XYLT1: variants seen among roughly 807,000 people sequenced by gnomAD.
The protein encoded by XYLT1 is xylosyltransferase 1.
Under a neutral mutation model 91.3 loss-of-function variants are expected in XYLT1, and 36 were observed. The observed-to-expected ratio is 0.39, with a 90% CI of 0.30 to 0.52. The LOEUF is 0.52. Among genes scored for constraint, XYLT1 ranks in the 20% least tolerant of loss-of-function variants. The pLI is 0.68. For synonymous variants in XYLT1, 588 were observed against 532.0 expected, an observed-to-expected ratio of 1.11 and a Z score of -1.45; for missense variants, 1,242 against 1,284.5, an observed-to-expected ratio of 0.97 and a Z score of 0.51.
intron 2 of XYLT1, among the ~76,000 whole-genome samples, chr16:17,307,860 AGT>A (rs1309216243): frequency 1.3e-4 from 20 of 152,320 alleles, no homozygotes; most frequent in African/African-American, 4.6e-4. Context: ...AGGAGAGGGC[AGT>A]GAAGGGTTAA....
intron 3 of XYLT1, among the ~76,000 whole-genome samples, chr16:17,248,372 CA>C (rs2033477285): frequency 1.3e-5 from 2 of 152,328 alleles, no homozygotes; most frequent in African/African-American, 2.4e-5. Context: ...CAGACTAATA[CA>C]GGGGGGCCTA....
At chr16:17,159,686 G>A (rs564301159) in intron 5 of XYLT1, among the ~76,000 whole-genome samples, 15 of 152,344 alleles carry the variant, frequency 9.8e-5, no homozygotes, top group African/African-American at 3.1e-4. Context: ...TACTGATTGA[G>A]AGAGCTTTAA....
intron 2 of XYLT1, among the ~76,000 whole-genome samples, chr16:17,353,449 G>A (rs928020879): frequency 6.6e-6 from 1 of 152,118 alleles, no homozygotes; most frequent in South Asian, 2.1e-4. Context: ...CTTGGGGATC[G>A]ATGAGAAAGA....
intron 10 of XYLT1, among the ~76,000 whole-genome samples, chr16:17,126,377 G>C (rs1497983): frequency 0.95 from 145,055 of 152,308 alleles, 69,137 homozygotes; most frequent in Middle Eastern, 0.98. Flanking sequence ...GCACAGAATC[G>C]AACTGGGGCA....
chr16:17,314,293 C>T (rs1380422304), intron 2 of XYLT1, among the ~76,000 whole-genome samples: 4 of 152,252 alleles, frequency 2.6e-5, no homozygotes, highest in Admixed American at 1.3e-4. Context: ...CAGGAGCCTC[C>T]CCAGGCCCAC....
At chr16:17,455,221 G>T (rs1174324383) in intron 1 of XYLT1, among the ~76,000 whole-genome samples, 1 of 152,060 alleles carries the variant, frequency 6.6e-6, no homozygotes, top group Non-Finnish European at 1.5e-5. Context: ...TCTGAATTCG[G>T]GTGCTGGTTA....
chr16:17,347,185 G>A (rs1472259720), intron 2 of XYLT1, among the ~76,000 whole-genome samples: 1 of 152,194 alleles, frequency 6.6e-6, no homozygotes, highest in African/African-American at 2.4e-5. Flanking sequence ...TCCTGGAGGT[G>A]TGACCGAGAA....
intron 3 of XYLT1, 104 bp downstream of exon 3, chr16:17,258,884 G>GGT: frequency 1.5e-6 from 2 of 1,327,206 alleles, no homozygotes; most frequent in Non-Finnish European, 2.0e-6. Context: ...TGGAAAACAG[G>GGT]GTGGCCTTTC....
At chr16:17,321,851 C>T (rs1192139411) in intron 2 of XYLT1, among the ~76,000 whole-genome samples, 1 of 152,144 alleles carries the variant, frequency 6.6e-6, no homozygotes, top group Non-Finnish European at 1.5e-5. Flanking sequence ...ATGACTTATC[C>T]AGCCCCAAAT....
chr16:17,198,448 G>C, intron 4 of XYLT1, 34 bp from the exon 5 acceptor site: 1 of 1,602,144 alleles, frequency 6.2e-7, no homozygotes, highest in African/African-American at 1.3e-5. Context: ...ATGACAGTCA[G>C]TGGCCTAGAA....
chr16:17,336,588 G>A (rs2034982389), intron 2 of XYLT1, among the ~76,000 whole-genome samples: 2 of 152,110 alleles, frequency 1.3e-5, no homozygotes, highest in Admixed American at 1.3e-4. Context: ...ATGCATGTGT[G>A]TGAGAGAGAA....
intron 1 of XYLT1, among the ~76,000 whole-genome samples, chr16:17,379,739 T>TCC (rs2035648131): frequency 1.4e-4 from 15 of 106,166 alleles, no homozygotes; most frequent in Admixed American, 1.1e-3. Context: ...TCTCTCTCTC[T>TCC]CTCTCTCTCT....
chr16:17,317,906 G>A (rs912373414), intron 2 of XYLT1, among the ~76,000 whole-genome samples: 1 of 152,106 alleles, frequency 6.6e-6, no homozygotes, highest in Admixed American at 6.6e-5. Context: ...TGCCTGGAAT[G>A]CTTTTCCCTG....
At chr16:17,120,323 CT>C (rs35558007) in intron 10 of XYLT1, among the ~76,000 whole-genome samples, 101,068 of 151,884 alleles carry the variant, frequency 0.67, 34,276 homozygotes, top group Non-Finnish European at 0.72. Context: ...AGTCCAGTTG[CT>C]TTACCTGTCC....
chr16:17,227,038 T>C (rs576799015), intron 3 of XYLT1: 2 of 152,324 alleles, frequency 1.3e-5, no homozygotes, highest in Admixed American at 6.5e-5. Flanking sequence ...CAGATGCTAT[T>C]TATTCCATCA....
intron 3 of XYLT1, among the ~76,000 whole-genome samples, chr16:17,217,980 C>T (rs967653513): frequency 4.6e-5 from 7 of 151,120 alleles, no homozygotes; most frequent in African/African-American, 9.7e-5. Flanking sequence ...AGACAAAAAA[C>T]GTTGGGGGTC....
At chr16:17,438,716 C>A (rs1185411949) in intron 1 of XYLT1, among the ~76,000 whole-genome samples, 1 of 152,040 alleles carries the variant, frequency 6.6e-6, no homozygotes, top group African/African-American at 2.4e-5. Flanking sequence ...GAAGGGGAAG[C>A]AAGCATATGG....
intron 1 of XYLT1, among the ~76,000 whole-genome samples, chr16:17,460,202 A>G (rs1365419756): frequency 6.6e-6 from 1 of 152,144 alleles, no homozygotes; most frequent in Non-Finnish European, 1.5e-5. Flanking sequence ...CCTTGTCTCT[A>G]AAGACTCCCA....
At chr16:17,296,040 CTT>C (rs5815941) in intron 2 of XYLT1, among the ~76,000 whole-genome samples, 168 of 145,966 alleles carry the variant, frequency 1.2e-3, no homozygotes, top group East Asian at 2.4e-3. Flanking sequence ...GAAAAGACAC[CTT>C]TTTTTTTTTT....
Sources: gnomAD v4.1 joint callset for allele counts (sites outside exome capture counted in the v4.1 genomes callset) on GRCh38, gnomAD v4.1.1 for gene constraint, MANE v1.5 for transcripts, NCBI Gene and HGNC (gene_info 2026-07-23, HGNC 2026-07-21) for gene names.